Variants in ASPRV1 observed in about 807,000 individuals in gnomAD.
The protein encoded by ASPRV1 is retroviral-like aspartic protease 1.
In ASPRV1, 7 loss-of-function variants were observed where a neutral mutation model predicts 11.0. The ratio of observed to expected loss-of-function variants is 0.64; its 90% CI spans 0.36 to 1.20. The LOEUF is 1.20. ASPRV1 is among the 50% of genes most tolerant of loss of function. The probability of loss-of-function intolerance (pLI) is 0.02; values close to 1 mark genes in which losing one functional copy is unlikely to be tolerated. For missense variants in ASPRV1, 299 were observed against 320.0 expected (o/e 0.93, Z 0.50); for synonymous variants, 136 against 138.4 (o/e 0.98, Z 0.12).
chr2:70,053,364 TG>T, the ASPRV1 span, among the ~76,000 whole-genome samples: 5 of 151,432 alleles, frequency 3.3e-5, no homozygotes, highest in Non-Finnish European at 7.4e-5. Flanking sequence ...TAGCCTGGGG[TG>T]GGGGGTATAG....
downstream of ASPRV1, among the ~76,000 whole-genome samples, chr2:69,959,072 C>T (rs554493474): frequency 3.5e-4 from 54 of 152,118 alleles, no homozygotes; most frequent in East Asian, 9.7e-4. Context: ...GGGCCAGGGA[C>T]GGGCAGCTGA....
chr2:69,943,942 AGT>A, the ASPRV1 span, among the ~76,000 whole-genome samples: 11 of 152,386 alleles, frequency 7.2e-5, no homozygotes, highest in Admixed American at 7.2e-4. Flanking sequence ...AAGGTTTTTA[AGT>A]TAACTGCATT....
chr2:69,994,321 C>G, the ASPRV1 span: 1 of 152,574 alleles, frequency 6.6e-6, no homozygotes, highest in African/African-American at 2.4e-5. Context: ...TGGCCCTGAC[C>G]TGGCATCCTT....
the ASPRV1 span, among the ~76,000 whole-genome samples, chr2:69,950,888 T>TA: frequency 1.4e-3 from 196 of 137,194 alleles, 2 homozygotes; most frequent in African/African-American, 1.8e-3. Context: ...AATAAATAAA[T>TA]AATAAAAAAT....
the ASPRV1 span, among the ~76,000 whole-genome samples, chr2:69,948,289 T>G: frequency 1.3e-5 from 2 of 152,222 alleles, no homozygotes; most frequent in East Asian, 1.9e-4. Flanking sequence ...TTTCAGTATT[T>G]TATTACACCA....
At chr2:69,983,691 G>C in the ASPRV1 span, among the ~76,000 whole-genome samples, 3 of 152,294 alleles carry the variant, frequency 2.0e-5, no homozygotes, top group East Asian at 3.9e-4. Context: ...GGGCCTAAGC[G>C]GGCACTGGTG....
chr2:70,004,257 C>T, the ASPRV1 span, among the ~76,000 whole-genome samples: 2 of 152,086 alleles, frequency 1.3e-5, no homozygotes, highest in Non-Finnish European at 2.9e-5. Context: ...GTAAGCCAGG[C>T]GCGGTGGCTC....
At chr2:69,983,697 T>G in the ASPRV1 span, among the ~76,000 whole-genome samples, 3 of 152,182 alleles carry the variant, frequency 2.0e-5, no homozygotes, top group Non-Finnish European at 4.4e-5. Context: ...AAGCGGGCAC[T>G]GGTGTGGAGG....
At chr2:69,991,124 T>TGCCCC in the ASPRV1 span, among the ~76,000 whole-genome samples, 1 of 152,204 alleles carries the variant, frequency 6.6e-6, no homozygotes, top group Non-Finnish European at 1.5e-5. Context: ...ACCACTGCTC[T>TGCCCC]GCCCCCACAC....
chr2:69,992,155 T>C, the ASPRV1 span, among the ~76,000 whole-genome samples: 8 of 152,196 alleles, frequency 5.3e-5, no homozygotes, highest in Admixed American at 5.2e-4. Flanking sequence ...CCACTTTTTT[T>C]TTTTCTGCCA....
the ASPRV1 span, chr2:70,045,350 A>C: frequency 1.3e-5 from 2 of 152,202 alleles, no homozygotes; most frequent in African/African-American, 4.8e-5. Flanking sequence ...AAATGGGAAT[A>C]CTTTATTGGT....
At chr2:70,012,703 CCTTGAATACATGT>C in the ASPRV1 span, among the ~76,000 whole-genome samples, 3 of 152,032 alleles carry the variant, frequency 2.0e-5, no homozygotes, top group Non-Finnish European at 2.9e-5. Flanking sequence ...AAAACTTATC[CCTTGAATACATGT>C]CTTATTAATA....
At chr2:70,065,675 A>G in the ASPRV1 span, among the ~76,000 whole-genome samples, 19 of 151,544 alleles carry the variant, frequency 1.3e-4, no homozygotes, top group African/African-American at 4.1e-4. Context: ...TTTTTTAAAA[A>G]TTAGCCAGGT....
chr2:69,964,671 C>A (rs558674396), upstream of ASPRV1: 7 of 205,032 alleles, frequency 3.4e-5, no homozygotes, highest in East Asian at 9.2e-4. Flanking sequence ...CACCCATTAG[C>A]GTCTCCTGGG....
upstream of ASPRV1, among the ~76,000 whole-genome samples, chr2:69,966,025 C>G (rs191413007): frequency 1.3e-5 from 2 of 152,310 alleles, no homozygotes; most frequent in East Asian, 3.9e-4. Context: ...GCCCACCAGC[C>G]AAATCCACTA....
chr2:70,016,289 GAAC>G, the ASPRV1 span: 99 of 152,214 alleles, frequency 6.5e-4, no homozygotes, highest in African/African-American at 2.3e-3. Flanking sequence ...CAAAGAAATT[GAAC>G]AACATGCTCG....
chr2:70,009,310 T>TTTTATTTATTTA, the ASPRV1 span, among the ~76,000 whole-genome samples: 7 of 104,864 alleles, frequency 6.7e-5, no homozygotes, highest in Non-Finnish European at 1.1e-4. Context: ...TAATTTATTG[T>TTTTATTTATTTA]CTTATTTATT....
At chr2:70,081,773 C>G in the ASPRV1 span, among the ~76,000 whole-genome samples, 1 of 151,934 alleles carries the variant, frequency 6.6e-6, no homozygotes, top group African/African-American at 2.4e-5. Flanking sequence ...TTTGTAGAGA[C>G]AGGGTCTCAC....
At chr2:69,971,811 G>A in the ASPRV1 span, among the ~76,000 whole-genome samples, 1 of 152,182 alleles carries the variant, frequency 6.6e-6, no homozygotes, top group Non-Finnish European at 1.5e-5. Flanking sequence ...GAGGAGAAAG[G>A]TGCCTCTGCG....
Sources: allele counts gnomAD v4.1 joint callset (sites outside exome capture counted in the v4.1 genomes callset), GRCh38; gene constraint gnomAD v4.1.1; transcripts MANE v1.5; gene names NCBI Gene and HGNC (gene_info 2026-07-23, HGNC 2026-07-21).